IRF2: variants seen among roughly 807,000 people sequenced by gnomAD.
The protein encoded by IRF2 is interferon regulatory factor 2.
In IRF2, 15 loss-of-function variants were observed where a neutral mutation model predicts 40.6. The observed-to-expected ratio is 0.37, with a 90% CI of 0.25 to 0.57. The LOEUF (loss-of-function observed/expected upper bound fraction) is 0.57. Among genes scored for constraint, IRF2 ranks in the 20% least tolerant of loss-of-function variants. The probability of loss-of-function intolerance (pLI) is 0.77; values close to 1 mark genes in which losing one functional copy is unlikely to be tolerated. For missense variants in IRF2, 317 were observed against 455.7 expected, an observed-to-expected ratio of 0.70 and a Z score of 2.77; for synonymous variants, 151 against 165.5, an observed-to-expected ratio of 0.91 and a Z score of 0.67.
intron 1 of IRF2, among the ~76,000 whole-genome samples, chr4:184,432,645 T>C (rs12504466): frequency 0.43 from 64,680 of 152,048 alleles, 14,498 homozygotes; most frequent in East Asian, 0.57. Context: ...TGACAAAATA[T>C]TGTGACCAGT....
rs534572635 is a variant in IRF2, at chr4:184,419,928, C to T, written c.88-360G>A. On this transcript the variant is annotated intron_variant, in intron 2 of 8. Coordinates refer to ENST00000393593, the MANE Select transcript of IRF2 (RefSeq NM_002199.4). ...TGTTGCCCAGGCTGCAGTGTAGTGG[C>T]GCGATATCGGCTCACTACAACCTCC... Among the ~76,000 whole-genome samples, 303 of 152,326 alleles carry T rather than the reference C, an allele frequency of 2.0e-3. 1 individual carries two copies. Among genetic ancestry groups the T allele is most frequent in the Non-Finnish European group, 3.7e-3 (252 of 68,036 alleles).
chr4:184,453,234 G>C (rs1473239784), intron 1 of IRF2, among the ~76,000 whole-genome samples: 3 of 152,074 alleles, frequency 2.0e-5, no homozygotes, highest in African/African-American at 7.2e-5. Context: ...AAAAATTTAT[G>C]CAAGGCCATT....
At chr4:184,437,280 A>G (rs1002538257) in intron 1 of IRF2, among the ~76,000 whole-genome samples, 1 of 151,568 alleles carries the variant, frequency 6.6e-6, no homozygotes. Flanking sequence ...CTGGTCTTGA[A>G]CTCTTGACCT....
At chr4:184,444,854 C>T (rs1256200981) in intron 1 of IRF2, among the ~76,000 whole-genome samples, 1 of 152,206 alleles carries the variant, frequency 6.6e-6, no homozygotes, top group Admixed American at 6.5e-5. Flanking sequence ...TAACTGTAAC[C>T]ACTAAAAGCA....
At chr4:184,466,326 C>T (rs1394083309) in intron 1 of IRF2, among the ~76,000 whole-genome samples, 4 of 152,170 alleles carry the variant, frequency 2.6e-5, no homozygotes, top group Non-Finnish European at 4.4e-5. Flanking sequence ...GCTGGGATTA[C>T]AGGCGTGAGC....
chr4:184,473,233 C>A (rs1390000898), intron 1 of IRF2, among the ~76,000 whole-genome samples: 1 of 151,004 alleles, frequency 6.6e-6, no homozygotes, highest in East Asian at 2.0e-4. Flanking sequence ...ACGGGGCGGG[C>A]ACTCGCGTCC....
intron 1 of IRF2, among the ~76,000 whole-genome samples, chr4:184,443,919 C>A (rs1248806995): frequency 4.6e-5 from 7 of 152,186 alleles, no homozygotes; most frequent in Admixed American, 3.9e-4. Context: ...TCATGTCTGA[C>A]CCTTAGCTTA....
chr4:184,433,307 C>G (rs750667093), intron 1 of IRF2, among the ~76,000 whole-genome samples: 1 of 152,186 alleles, frequency 6.6e-6, no homozygotes, highest in Non-Finnish European at 1.5e-5. Context: ...GGGTCACACT[C>G]TGAGAAGCAA....
At chr4:184,449,598 C>G (rs572513320) in intron 1 of IRF2, among the ~76,000 whole-genome samples, 5 of 152,208 alleles carry the variant, frequency 3.3e-5, no homozygotes, top group Non-Finnish European at 7.3e-5. Flanking sequence ...GACAGGGACA[C>G]AGGCAATCAC....
At position 184,474,268 on chromosome 4, in the gene IRF2, C is replaced by T. The variant is rs531407991; in HGVS notation, c.-7+111G>A. 1.3e-5 allele frequency: 2 copies of T among 152,420 alleles called. No homozygotes were observed. The highest frequency in any genetic ancestry group is 4.8e-5 in the African/African-American group (2 of 41,536). 9.4% of individuals were successfully genotyped at this position (152,420 alleles called of 1,614,324 possible). ...ACCCCGGCATTTTCCGTCTGCAAAA[C>T]ATCGTGTCAAGGCATCAGGACACGC... On this transcript the variant is annotated intron_variant, in intron 1 of 8. Coordinates refer to ENST00000393593, the MANE Select transcript of IRF2 (RefSeq NM_002199.4). The surrounding 1 kb of genome is among the most constrained non-coding windows in gnomAD (Gnocchi z 5.6).
chr4:184,443,086 C>T (rs553333322), intron 1 of IRF2, among the ~76,000 whole-genome samples: 10 of 152,202 alleles, frequency 6.6e-5, no homozygotes, highest in Non-Finnish European at 1.0e-4. Flanking sequence ...CCACCTTGCC[C>T]GGTGAATTTT....
At chr4:184,405,673 AAGGC>A (rs1736827808) in intron 6 of IRF2, among the ~76,000 whole-genome samples, 1 of 152,188 alleles carries the variant, frequency 6.6e-6, no homozygotes, top group East Asian at 1.9e-4. Flanking sequence ...GGTGACAGCC[AAGGC>A]AGGCCCACAC....
rs115554316 is a variant in IRF2 at position 184,438,688 on chromosome 4, G to A, written c.-6-9618C>T. Among the ~76,000 whole-genome samples, 664 of 152,294 alleles carry A rather than the reference G, an allele frequency of 4.4e-3. 7 individuals carry two copies. Among genetic ancestry groups the A allele is most frequent in the African/African-American group, 0.015 (636 of 41,564 alleles). On this transcript the variant is annotated intron_variant, in intron 1 of 8. Transcript: ENST00000393593. ...CTGGGATCACAGGCGTGAGCCCCGC[G>A]CCTGGCCTAATATTTTTAACATTTT...
At chr4:184,437,722 C>CTTT (rs1738135067) in intron 1 of IRF2, among the ~76,000 whole-genome samples, 6 of 151,776 alleles carry the variant, frequency 4.0e-5, no homozygotes, top group Admixed American at 1.3e-4. Context: ...TTGGGAAAAG[C>CTTT]CATGCTTCAG....
At chr4:184,429,659 G>C (rs1737804148) in intron 1 of IRF2, among the ~76,000 whole-genome samples, 1 of 152,166 alleles carries the variant, frequency 6.6e-6, no homozygotes, top group South Asian at 2.1e-4. Flanking sequence ...AGCCTGCACA[G>C]GTATCTCCTT....
rs936221396 is a variant in IRF2, at chr4:184,429,185, C to T, written c.-6-115G>A. The stretch of plus-strand genomic sequence containing the variant: ...TTCTCTCCTTTCCTGGGGCTGGGGA[C>T]CAGGGGGCTGGGGGGTCGGTGTACT... On this transcript the variant is annotated intron_variant, in intron 1 of 8. Coordinates refer to ENST00000393593, the MANE Select transcript of IRF2 (RefSeq NM_002199.4). The T allele has an allele frequency of 2.8e-4, 194 of 705,118 alleles. 2 individuals are homozygous for T. In the Admixed American group the frequency reaches 4.3e-3, roughly 15 times the overall value. 43.7% of individuals were successfully genotyped at this position (705,118 alleles called of 1,614,324 possible).
chr4:184,439,951 T>C (rs1328392810), intron 1 of IRF2, among the ~76,000 whole-genome samples: 6 of 152,194 alleles, frequency 3.9e-5, no homozygotes, highest in Non-Finnish European at 5.9e-5. Context: ...ACAGCAGCTC[T>C]TCGTCCAGAG....
At chr4:184,459,635 C>G (rs1390769267) in intron 1 of IRF2, among the ~76,000 whole-genome samples, 1 of 152,116 alleles carries the variant, frequency 6.6e-6, no homozygotes, top group Non-Finnish European at 1.5e-5. Flanking sequence ...ATTTTCAAAA[C>G]CACAAAATGA....
At chr4:184,437,043 C>A (rs2149907453) in intron 1 of IRF2, among the ~76,000 whole-genome samples, 1 of 151,936 alleles carries the variant, frequency 6.6e-6, no homozygotes, top group South Asian at 2.1e-4. Context: ...ATCCACTACA[C>A]CCAGCTAATT....
Sources: gnomAD v4.1 joint callset for allele counts (sites outside exome capture counted in the v4.1 genomes callset) on GRCh38, gnomAD v4.1.1 for gene constraint, Gnocchi (gnomAD v3.1) non-coding constraint, MANE v1.5 for transcripts, NCBI Gene and HGNC (gene_info 2026-07-23, HGNC 2026-07-21) for gene names.